The following FBXO4 variants were observed in gnomAD, a reference collection of about 807,000 sequenced individuals.
The protein encoded by FBXO4 is F-box only protein 4.
In FBXO4, 36 loss-of-function variants were observed where a neutral mutation model predicts 43.7. That is an observed-to-expected ratio of 0.82 (90% CI 0.63 to 1.09). FBXO4 has a LOEUF of 1.09. FBXO4 is among the 50% of genes least tolerant of loss of function. The probability of loss-of-function intolerance (pLI) is 0.00; values close to 1 mark genes in which losing one functional copy is unlikely to be tolerated. For missense variants in FBXO4, 435 were observed against 474.1 expected, an observed-to-expected ratio of 0.92 and a Z score of 0.77; for synonymous variants, 180 against 165.6, an observed-to-expected ratio of 1.09 and a Z score of -0.67.
chr5:41,936,641 A>G (rs1751854467), intron 5 of FBXO4, among the ~76,000 whole-genome samples: 1 of 152,204 alleles, frequency 6.6e-6, no homozygotes. Flanking sequence ...TTGAAAAAGT[A>G]AAACAAGCAT....
the FBXO4 span, among the ~76,000 whole-genome samples, chr5:41,948,402 T>A: frequency 2.0e-5 from 3 of 152,308 alleles, no homozygotes; most frequent in African/African-American, 7.2e-5. Flanking sequence ...CCCAAAGTAC[T>A]GGGATTACAG....
At chr5:41,960,546 G>A in the FBXO4 span, among the ~76,000 whole-genome samples, 1 of 152,036 alleles carries the variant, frequency 6.6e-6, no homozygotes, top group African/African-American at 2.4e-5. Flanking sequence ...CATTTGTTGG[G>A]AGTTTTATGA....
chr5:42,010,982 C>A, the FBXO4 span, among the ~76,000 whole-genome samples: 1 of 152,022 alleles, frequency 6.6e-6, no homozygotes, highest in Non-Finnish European at 1.5e-5. Context: ...ACCCATCAAC[C>A]CGTTATCTAC....
chr5:41,967,525 G>A, the FBXO4 span: 10 of 889,092 alleles, frequency 1.1e-5, no homozygotes, highest in East Asian at 5.9e-5. Flanking sequence ...CATCACCTCC[G>A]TGACGTTCAT....
downstream of FBXO4, among the ~76,000 whole-genome samples, chr5:41,945,701 C>T (rs1261495440): frequency 6.6e-6 from 1 of 152,162 alleles, no homozygotes; most frequent in East Asian, 1.9e-4. Context: ...GTGGGGGACG[C>T]CTGTCCATAT....
chr5:41,974,403 T>G, the FBXO4 span, among the ~76,000 whole-genome samples: 1 of 152,208 alleles, frequency 6.6e-6, no homozygotes, highest in African/African-American at 2.4e-5. Context: ...TCTTCTTGTT[T>G]TTTGTTTGTT....
At chr5:41,964,812 A>T in the FBXO4 span, among the ~76,000 whole-genome samples, 1 of 151,666 alleles carries the variant, frequency 6.6e-6, no homozygotes, top group African/African-American at 2.4e-5. Context: ...GATTGCAAAA[A>T]TTTTCTCCCA....
At chr5:42,015,385 T>C in the FBXO4 span, among the ~76,000 whole-genome samples, 1 of 152,102 alleles carries the variant, frequency 6.6e-6, no homozygotes, top group East Asian at 1.9e-4. Context: ...CAGGGAGGAG[T>C]TGGCCCCTGG....
chr5:41,959,825 A>G, the FBXO4 span, among the ~76,000 whole-genome samples: 1 of 151,962 alleles, frequency 6.6e-6, no homozygotes, highest in South Asian at 2.1e-4. Context: ...TTTTTGCTCA[A>G]TATTGCTTTG....
the FBXO4 span, among the ~76,000 whole-genome samples, chr5:41,992,439 C>T: frequency 2.6e-5 from 4 of 152,196 alleles, no homozygotes; most frequent in South Asian, 8.3e-4. Context: ...CAATTTTTTA[C>T]CCTTACCTTC....
the FBXO4 span, among the ~76,000 whole-genome samples, chr5:42,030,864 T>C: frequency 5.9e-5 from 9 of 152,156 alleles, no homozygotes; most frequent in Non-Finnish European, 1.0e-4. Flanking sequence ...AAAATCCTCA[T>C]TGTCACTGGC....
chr5:42,036,273 A>G, the FBXO4 span, among the ~76,000 whole-genome samples: 2 of 151,862 alleles, frequency 1.3e-5, no homozygotes, highest in Non-Finnish European at 2.9e-5. Context: ...AGGAAAATGG[A>G]CAAAAGTAAA....
chr5:42,022,292 T>A, the FBXO4 span, among the ~76,000 whole-genome samples: 1 of 152,172 alleles, frequency 6.6e-6, no homozygotes, highest in Non-Finnish European at 1.5e-5. Flanking sequence ...CCAATTCATA[T>A]GCACTGAATA....
the FBXO4 span, among the ~76,000 whole-genome samples, chr5:42,024,826 T>G: frequency 6.6e-6 from 1 of 152,022 alleles, no homozygotes; most frequent in Admixed American, 6.6e-5. Context: ...CCTGGCTTAT[T>G]TCACTTAACA....
At chr5:42,008,891 C>T in the FBXO4 span, among the ~76,000 whole-genome samples, 1 of 152,096 alleles carries the variant, frequency 6.6e-6, no homozygotes, top group Non-Finnish European at 1.5e-5. Context: ...TTAGGCCAGG[C>T]AAGGGGTTTC....
chr5:41,956,666 G>A, the FBXO4 span, among the ~76,000 whole-genome samples: 1 of 146,870 alleles, frequency 6.8e-6, no homozygotes, highest in Non-Finnish European at 1.5e-5. Flanking sequence ...CTGATAAGAA[G>A]TCAGCTGTCA....
intron 2 of FBXO4, chr5:41,928,397 C>A (rs10057645): frequency 0.079 from 11,865 of 149,682 alleles, 661 homozygotes; most frequent in African/African-American, 0.15. Context: ...TGCAGTGGAG[C>A]GATCTCGGCT....
downstream of FBXO4, among the ~76,000 whole-genome samples, chr5:41,946,239 C>T (rs1483813774): frequency 2.6e-5 from 4 of 152,116 alleles, no homozygotes; most frequent in East Asian, 1.9e-4. Flanking sequence ...GAGAGAGCCC[C>T]GTTGCATTGC....
At chr5:41,937,695 G>A (rs1365270689) in intron 5 of FBXO4, among the ~76,000 whole-genome samples, 1 of 152,128 alleles carries the variant, frequency 6.6e-6, no homozygotes, top group East Asian at 1.9e-4. Flanking sequence ...TGGACACTAG[G>A]GAGTCCAAGA....
Sources: gnomAD v4.1 joint callset for allele counts (sites outside exome capture counted in the v4.1 genomes callset) on GRCh38, gnomAD v4.1.1 for gene constraint, MANE v1.5 for transcripts, NCBI Gene and HGNC (gene_info 2026-07-23, HGNC 2026-07-21) for gene names.